STARD3NL: variants seen among roughly 807,000 people sequenced by gnomAD.
STARD3NL encodes STARD3 N-terminal-like protein.
A neutral mutation model predicts 30.9 loss-of-function variants in STARD3NL; 17 were observed. The ratio of observed to expected loss-of-function variants is 0.55; its 90% CI spans 0.38 to 0.82. The LOEUF is 0.82. Among genes scored for constraint, STARD3NL ranks in the 40% least tolerant of loss-of-function variants. The pLI is 0.00. For missense variants in STARD3NL, 234 were observed against 277.6 expected, an observed-to-expected ratio of 0.84 and a Z score of 1.12; for synonymous variants, 112 against 100.5, an observed-to-expected ratio of 1.11 and a Z score of -0.69.
intron 2 of STARD3NL, among the ~76,000 whole-genome samples, chr7:38,208,031 A>G (rs1785590721): frequency 6.6e-6 from 1 of 152,198 alleles, no homozygotes; most frequent in Non-Finnish European, 1.5e-5. Flanking sequence ...GCCTGTTTTA[A>G]TAAAGTTTTA....
chr7:38,199,641 G>C (rs747467915), intron 1 of STARD3NL, among the ~76,000 whole-genome samples: 4 of 152,200 alleles, frequency 2.6e-5, no homozygotes, highest in Non-Finnish European at 5.9e-5. Context: ...AATATGGGGA[G>C]CATTCAGAAA....
chr7:38,195,372 A>T lies in STARD3NL; in HGVS notation c.-58-12075A>T, dbSNP rs1739887551. Among the ~76,000 whole-genome samples, 3 of 152,196 alleles carry T rather than the reference A, an allele frequency of 2.0e-5. No individual in the cohort carries two copies. The South Asian group carries it at 6.2e-4, about 32-fold the overall frequency. On this transcript the variant is annotated intron_variant, in intron 1 of 8. Coordinates refer to ENST00000009041, the MANE Select transcript of STARD3NL (RefSeq NM_032016.4). ...CCCCTGGCCACACTTATCAGTTTTT[A>T]AAAATCCCAGTGTTAGCCATACTTG...
intron 1 of STARD3NL, among the ~76,000 whole-genome samples, chr7:38,204,472 A>T (rs573596210): frequency 9.2e-5 from 14 of 152,372 alleles, no homozygotes; most frequent in Non-Finnish European, 2.1e-4. Context: ...AATCTCTGGG[A>T]CACATTTAAA....
rs1244354047 is a variant in STARD3NL, at chr7:38,205,978, AT to A, written c.-58-1468del. Among the ~76,000 whole-genome samples the A allele has an allele frequency of 2.6e-5, 4 of 152,340 alleles. No homozygotes were observed. The East Asian group carries it at 7.7e-4, about 29-fold the overall frequency. ...TCAGGAAGTATGGAGGTTTTAAAGTATCTTATTTCACATAATCAAATTGCCT... is the reference window on the plus strand; with the variant it reads ...TCAGGAAGTATGGAGGTTTTAAAGTACTTATTTCACATAATCAAATTGCCT... On this transcript the variant is annotated intron_variant, in intron 1 of 8. Coordinates refer to ENST00000009041, the MANE Select transcript of STARD3NL (RefSeq NM_032016.4).
intron 1 of STARD3NL, chr7:38,179,187 G>A (rs1784145969): frequency 6.6e-6 from 1 of 152,180 alleles, no homozygotes; most frequent in South Asian, 2.1e-4. Flanking sequence ...ACTGGAATTA[G>A]TCCAGTTTGC....
At chr7:38,186,472 C>G (rs1343862333) in intron 1 of STARD3NL, among the ~76,000 whole-genome samples, 1 of 152,092 alleles carries the variant, frequency 6.6e-6, no homozygotes, top group Non-Finnish European at 1.5e-5. Flanking sequence ...GCTCTATGAC[C>G]TGGAAGATTA....
chr7:38,223,317 G>T (rs1442009253), intron 7 of STARD3NL, among the ~76,000 whole-genome samples: 2 of 152,118 alleles, frequency 1.3e-5, no homozygotes, highest in Non-Finnish European at 2.9e-5. Flanking sequence ...ACCGCATCCT[G>T]CATCCCTTTG....
intron 1 of STARD3NL, among the ~76,000 whole-genome samples, chr7:38,204,912 T>C (rs2116209193): frequency 6.6e-6 from 1 of 152,196 alleles, no homozygotes; most frequent in South Asian, 2.1e-4. Flanking sequence ...CCTCGACACA[T>C]ACACCCTCCC....
chr7:38,218,673 G>A lies in STARD3NL; in HGVS notation c.554-892G>A, dbSNP rs999365739. Among the ~76,000 whole-genome samples, 14 of 152,246 alleles carry A rather than the reference G, an allele frequency of 9.2e-5. No individual in the cohort carries two copies. In the South Asian group the frequency reaches 2.9e-3, roughly 32 times the overall value. The stretch of plus-strand genomic sequence containing the variant: ...TGTATGACACACATACCTGGTATCT[G>A]CTATTTGGCCTGGTGCTTCCTCCGA... On this transcript the variant is annotated intron_variant, in intron 6 of 8. Transcript: ENST00000009041.
At chr7:38,201,996 T>C (rs764897166) in intron 1 of STARD3NL, 8 of 152,238 alleles carry the variant, frequency 5.3e-5, no homozygotes, top group African/African-American at 7.2e-5. Flanking sequence ...GCCTCAGCTA[T>C]TTTCTTAAAC....
At chr7:38,186,564 A>C (rs1292238031) in intron 1 of STARD3NL, among the ~76,000 whole-genome samples, 1 of 152,234 alleles carries the variant, frequency 6.6e-6, no homozygotes, top group Non-Finnish European at 1.5e-5. Context: ...AATGGACTGC[A>C]TATATGATGG....
In STARD3NL at chr7:38,207,475, G is replaced by A. The variant is rs1252819911; in HGVS notation, c.-30G>A. On this transcript the variant is annotated 5_prime_UTR_variant, in exon 2 of 9. Transcript: ENST00000009041. ...TCTTCTCTTTAGGGATGGTGAGGTT[G>A]GAAAAAGGCTCCTGTAACCCTCCTC... is the stretch of plus-strand genomic sequence containing the variant. 1 of 1,600,868 alleles carries A rather than the reference G, an allele frequency of 6.2e-7. No individual in the cohort carries two copies. Among genetic ancestry groups the A allele is most frequent in the Non-Finnish European group, 8.5e-7 (1 of 1,170,212 alleles).
chr7:38,202,502 A>G (rs1417361396), intron 1 of STARD3NL, among the ~76,000 whole-genome samples: 1 of 152,178 alleles, frequency 6.6e-6, no homozygotes, highest in Non-Finnish European at 1.5e-5. Flanking sequence ...GGGAAAATAT[A>G]ATCTCATTAG....
chr7:38,209,682 T>C (rs1583810164), intron 2 of STARD3NL, among the ~76,000 whole-genome samples: 1 of 152,320 alleles, frequency 6.6e-6, no homozygotes. Context: ...TTCATTGCTT[T>C]GGCTGCTTAT....
chr7:38,214,176 T>C (rs1785968984), intron 2 of STARD3NL, among the ~76,000 whole-genome samples, 181 bp from the exon 3 acceptor site: 1 of 152,232 alleles, frequency 6.6e-6, no homozygotes. Flanking sequence ...GAATTCAGAG[T>C]TGAGGAATTG....
At chr7:38,226,882 T>C (rs1004811749) in intron 7 of STARD3NL, among the ~76,000 whole-genome samples, 4 of 152,172 alleles carry the variant, frequency 2.6e-5, no homozygotes, top group Non-Finnish European at 5.9e-5. Flanking sequence ...TAGCAGAACC[T>C]CCATGCCCAT....
chr7:38,216,943 A>T, intron 4 of STARD3NL, 82 bp from the exon 5 acceptor site: 1 of 1,538,896 alleles, frequency 6.5e-7, no homozygotes, highest in Admixed American at 1.8e-5. Flanking sequence ...CTCCTGGCTC[A>T]GACGGGTCTC....
chr7:38,221,413 T>C (rs965698685), intron 7 of STARD3NL, among the ~76,000 whole-genome samples: 5 of 152,180 alleles, frequency 3.3e-5, no homozygotes, highest in African/African-American at 1.2e-4. Context: ...CTTGTAAGAT[T>C]GTGTCTAACC....
chr7:38,193,278 G>A (rs1386287953), intron 1 of STARD3NL, among the ~76,000 whole-genome samples: 1 of 133,334 alleles, frequency 7.5e-6, no homozygotes, highest in Admixed American at 7.9e-5. Context: ...ATTAGGATTA[G>A]TTTTTTGTTG....
Sources: allele counts gnomAD v4.1 joint callset (sites outside exome capture counted in the v4.1 genomes callset), GRCh38; gene constraint gnomAD v4.1.1; transcripts MANE v1.5; gene names NCBI Gene and HGNC (gene_info 2026-07-23, HGNC 2026-07-21).